The following LAMB1 variants were observed in gnomAD, a reference collection of about 807,000 sequenced individuals.
LAMB1 encodes laminin subunit beta 1.
Under a neutral mutation model 222.3 loss-of-function variants are expected in LAMB1, and 121 were observed. The ratio of observed to expected loss-of-function variants is 0.54; its 90% CI spans 0.47 to 0.63. The LOEUF is 0.63. Among genes scored for constraint, LAMB1 ranks in the 30% least tolerant of loss-of-function variants. LAMB1 has a pLI of 0.00. For synonymous variants in LAMB1, 794 were observed against 807.2 expected, an observed-to-expected ratio of 0.98 and a Z score of 0.28; for missense variants, 2,172 against 2,240.8, an observed-to-expected ratio of 0.97 and a Z score of 0.62.
intron 5 of LAMB1, among the ~76,000 whole-genome samples, chr7:107,988,417 A>G (rs914806622): frequency 6.6e-5 from 10 of 152,176 alleles, no homozygotes; most frequent in Non-Finnish European, 1.5e-4. Context: ...ACATATTTGA[A>G]ACCTCCAAGT....
intron 27 of LAMB1, 60 bp downstream of exon 27, chr7:107,935,355 T>TTTG: frequency 1.1e-5 from 5 of 449,866 alleles, no homozygotes; most frequent in South Asian, 1.3e-4. Flanking sequence ...TTGTTTTTTT[T>TTTG]TTTTTTTTTT....
intron 7 of LAMB1, among the ~76,000 whole-genome samples, chr7:107,983,594 C>G (rs1182935304): frequency 6.8e-6 from 1 of 146,304 alleles, no homozygotes; most frequent in Non-Finnish European, 1.5e-5. Flanking sequence ...GCTCTGTCAC[C>G]CAGACTGGAG....
In LAMB1 at chr7:107,926,365, A is replaced by C. The variant is rs1334411672; in HGVS notation, c.4888-6T>G. Reference sequence around the variant, plus strand: ...GCTGCTGTTTCAGACTCAATCTAAAAGCATGTCAATTTTCCAGCAAGACAT... The same window carrying C: ...GCTGCTGTTTCAGACTCAATCTAAACGCATGTCAATTTTCCAGCAAGACAT... On this transcript the variant is annotated splice_region_variant and splice_polypyrimidine_tract_variant and intron_variant, in intron 31 of 33. Coordinates refer to ENST00000222399, the MANE Select transcript of LAMB1 (RefSeq NM_002291.3). The C allele has an allele frequency of 6.2e-7, 1 of 1,610,662 alleles. No homozygotes were observed.
At chr7:107,995,879 TATTTTCAGGAAATC>T (rs2034272560) in intron 4 of LAMB1, among the ~76,000 whole-genome samples, 1 of 152,100 alleles carries the variant, frequency 6.6e-6, no homozygotes, top group Non-Finnish European at 1.5e-5. Context: ...CAGACTGGTG[TATTTTCAGGAAATC>T]AGGAGGACCT....
chr7:107,967,944 G>C (rs957557867), intron 13 of LAMB1, among the ~76,000 whole-genome samples: 1 of 152,150 alleles, frequency 6.6e-6, no homozygotes, highest in African/African-American at 2.4e-5. Flanking sequence ...GAGGCGTCAT[G>C]AAAGAGGTGT....
At chr7:107,984,218 G>A (rs1397583284) in intron 7 of LAMB1, among the ~76,000 whole-genome samples, 1 of 151,988 alleles carries the variant, frequency 6.6e-6, no homozygotes, top group African/African-American at 2.4e-5. Flanking sequence ...AATGAGATGT[G>A]AGCAGAAGTG....
intron 24 of LAMB1, chr7:107,951,016 C>T (rs2033234182): frequency 2.0e-6 from 1 of 501,680 alleles, no homozygotes. Flanking sequence ...AGAGTATGCA[C>T]ATCCACTCTT....
intron 13 of LAMB1, among the ~76,000 whole-genome samples, chr7:107,970,607 A>T (rs529933921): frequency 6.6e-6 from 1 of 152,324 alleles, no homozygotes; most frequent in Non-Finnish European, 1.5e-5. Context: ...AATGTTATTA[A>T]ACATTTACAA....
At chr7:107,974,451 C>T (rs1008197394) in intron 12 of LAMB1, among the ~76,000 whole-genome samples, 2 of 151,944 alleles carry the variant, frequency 1.3e-5, no homozygotes, top group African/African-American at 4.8e-5. Flanking sequence ...TAGAAGTCCC[C>T]ACACTTAACT....
intron 24 of LAMB1, among the ~76,000 whole-genome samples, chr7:107,944,732 G>A (rs1032386802): frequency 6.6e-6 from 1 of 152,168 alleles, no homozygotes; most frequent in African/African-American, 2.4e-5. Flanking sequence ...AATATTTTCA[G>A]TGAAACTCCC....
At chr7:107,930,094 G>T in intron 29 of LAMB1, 1 of 158,828 alleles carries the variant, frequency 6.3e-6, no homozygotes. Context: ...AGAAACTTGT[G>T]AATGCAGATA....
Position 108,001,743 on chromosome 7 carries a change from G to A in LAMB1, c.38-10C>T. 1 of 1,612,278 alleles carries A rather than the reference G, an allele frequency of 6.2e-7. No individual in the cohort carries two copies. Among genetic ancestry groups the A allele is most frequent in the Non-Finnish European group, 8.5e-7 (1 of 1,179,542 alleles). ...CGGGCTCTGCACAGGGCTGCGGGAAGGACAGGCAACAGAGTTGGGGGGACA... is the reference window on the plus strand; with the variant it reads ...CGGGCTCTGCACAGGGCTGCGGGAAAGACAGGCAACAGAGTTGGGGGGACA... On this transcript the variant is annotated splice_polypyrimidine_tract_variant and intron_variant, in intron 2 of 33. Transcript: ENST00000222399.
intron 32 of LAMB1, among the ~76,000 whole-genome samples, chr7:107,924,817 T>A (rs1404368703): frequency 6.6e-6 from 1 of 152,014 alleles, no homozygotes. Context: ...AGGAAAAAGA[T>A]TAAACAAAAG....
chr7:107,999,642 T>C (rs879923374), intron 3 of LAMB1: 4 of 152,038 alleles, frequency 2.6e-5, no homozygotes, highest in Admixed American at 2.6e-4. Context: ...GTCTCAATCT[T>C]GATGCCCACT....
intron 8 of LAMB1, among the ~76,000 whole-genome samples, chr7:107,979,489 C>T (rs1288150168): frequency 6.6e-6 from 1 of 152,120 alleles, no homozygotes; most frequent in Non-Finnish European, 1.5e-5. Context: ...ACTTAGGGCT[C>T]TCTAGTAAAT....
intron 27 of LAMB1, 134 bp downstream of exon 27, chr7:107,935,281 G>GT: frequency 1.5e-6 from 2 of 1,357,314 alleles, no homozygotes; most frequent in Non-Finnish European, 2.0e-6. Flanking sequence ...CAGCCTAGGA[G>GT]TTTCAGTCCT....
At chr7:107,953,823 C>G in intron 21 of LAMB1, 69 bp from the exon 22 acceptor site, 1 of 1,348,182 alleles carries the variant, frequency 7.4e-7, no homozygotes, top group Non-Finnish European at 1.1e-6. Context: ...TGCACCGACA[C>G]TCATGCCTAG....
chr7:107,935,601 C>T lies in LAMB1; in HGVS notation c.4002G>A (p.Arg1334=), dbSNP rs996727138. Residue 1334 remains arginine (R), a synonymous_variant, in exon 27 of 34, where the codon AGG becomes AGA. Transcript: ENST00000222399. The part of the protein sequence containing the change: ...YFQMSLEAEE[R]VNASTTEPNS... ...TGGGTTCTGTGGTGGAGGCATTCACCCTCTCCTCTGCCTCAAGAGACATCT... is the reference window on the plus strand; with the variant it reads ...TGGGTTCTGTGGTGGAGGCATTCACTCTCTCCTCTGCCTCAAGAGACATCT... 1.9e-6 allele frequency: 3 copies of T among 1,613,658 alleles called. No individual in the cohort carries two copies. Among genetic ancestry groups the T allele is most frequent in the Admixed American group, 3.3e-5 (2 of 59,960 alleles).
rs547987632 is a variant in LAMB1 at position 107,977,758 on chromosome 7, C to CA, written c.1000+288dup. ...TGCCACTGCACTACAGCCTAGGCGACAAAAAAAAACCAAAAAACAAAACAG... is the reference window on the plus strand; with the variant it reads ...TGCCACTGCACTACAGCCTAGGCGACAAAAAAAAAACCAAAAAACAAAACAG... On this transcript the variant is annotated intron_variant, in intron 9 of 33. Transcript: ENST00000222399. Among the ~76,000 whole-genome samples, 117 of 150,636 alleles carry CA rather than the reference C, an allele frequency of 7.8e-4. 1 individual carries two copies. Among genetic ancestry groups the CA allele is most frequent in the South Asian group, 7.6e-3 (36 of 4,740 alleles).
Sources: allele counts gnomAD v4.1 joint callset (sites outside exome capture counted in the v4.1 genomes callset), GRCh38; gene constraint gnomAD v4.1.1; transcripts MANE v1.5; gene names NCBI Gene and HGNC (gene_info 2026-07-23, HGNC 2026-07-21).